Variants in MED26 observed in about 807,000 individuals in gnomAD.
The protein encoded by MED26 is mediator complex subunit 26, also known as mediator of RNA polymerase II transcription subunit 26.
A neutral mutation model predicts 43.7 loss-of-function variants in MED26; 7 were observed. The ratio of observed to expected loss-of-function variants is 0.16; its 90% CI spans 0.09 to 0.30. MED26 has a LOEUF of 0.30. Ranked by LOEUF, MED26 falls within the 10% of genes least tolerant of loss-of-function variation. MED26 has a pLI of 1.00. For synonymous variants in MED26, 375 were observed against 371.1 expected (o/e 1.01, Z -0.12); for missense variants, 784 against 840.6 (o/e 0.93, Z 0.83).
intron 1 of MED26, among the ~76,000 whole-genome samples, chr19:16,623,188 G>A (rs1230938133): frequency 6.6e-6 from 1 of 152,042 alleles, no homozygotes; most frequent in African/African-American, 2.4e-5. Flanking sequence ...CAAAGACAAG[G>A]ACATACACCT....
At chr19:16,625,984 T>C (rs1568293121) in intron 1 of MED26, among the ~76,000 whole-genome samples, 1 of 152,192 alleles carries the variant, frequency 6.6e-6, no homozygotes, top group Non-Finnish European at 1.5e-5. Context: ...CCATGCCAGC[T>C]AACATAACCA....
At chr19:16,622,681 G>T (rs2086257237) in intron 1 of MED26, among the ~76,000 whole-genome samples, 1 of 152,158 alleles carries the variant, frequency 6.6e-6, no homozygotes, top group Non-Finnish European at 1.5e-5. Flanking sequence ...CACCCATTCT[G>T]ACAACCAGCT....
chr19:16,626,600 C>T (rs1423332446), intron 1 of MED26, among the ~76,000 whole-genome samples: 1 of 152,110 alleles, frequency 6.6e-6, no homozygotes, highest in Non-Finnish European at 1.5e-5. Flanking sequence ...ATTGTATAAG[C>T]CAATGTGAAT....
At chr19:16,611,760 T>C (rs2086200467) in intron 1 of MED26, 1 of 152,168 alleles carries the variant, frequency 6.6e-6, no homozygotes, top group African/African-American at 2.4e-5. Context: ...TATAGGCTAT[T>C]TGACTCTGTG....
At chr19:16,624,052 C>T (rs1018597728) in intron 1 of MED26, among the ~76,000 whole-genome samples, 7 of 151,890 alleles carry the variant, frequency 4.6e-5, no homozygotes, top group African/African-American at 9.7e-5. Context: ...AAAGCATACA[C>T]CTTGGTTTAG....
At chr19:16,596,170 C>T (rs2086119267) in intron 1 of MED26, among the ~76,000 whole-genome samples, 1 of 152,156 alleles carries the variant, frequency 6.6e-6, no homozygotes, top group Admixed American at 6.5e-5. Context: ...GCCACTGTGC[C>T]CAGCCATGCT....
chr19:16,614,731 C>A (rs2086215498), intron 1 of MED26, among the ~76,000 whole-genome samples: 1 of 152,128 alleles, frequency 6.6e-6, no homozygotes, highest in Non-Finnish European at 1.5e-5. Flanking sequence ...GCAGACCATG[C>A]CAGTATGGCT....
At chr19:16,601,517 G>T (rs1032441177) in intron 1 of MED26, among the ~76,000 whole-genome samples, 1 of 152,218 alleles carries the variant, frequency 6.6e-6, no homozygotes, top group Non-Finnish European at 1.5e-5. Context: ...GATAAAGCAC[G>T]CCTGTGGCCT....
At chr19:16,584,252 C>G (rs1236969122) in intron 1 of MED26, among the ~76,000 whole-genome samples, 1 of 124,724 alleles carries the variant, frequency 8.0e-6, no homozygotes, top group Non-Finnish European at 1.7e-5. Flanking sequence ...GACTCCGTCT[C>G]AAAAAAAAGA....
intron 1 of MED26, among the ~76,000 whole-genome samples, chr19:16,624,074 T>A (rs963464): frequency 6.6e-6 from 1 of 151,688 alleles, no homozygotes; most frequent in Non-Finnish European, 1.5e-5. Context: ...ATTTTGTTAG[T>A]TGAGAAACTT....
chr19:16,594,623 C>G (rs1407175830), intron 1 of MED26, among the ~76,000 whole-genome samples: 1 of 152,140 alleles, frequency 6.6e-6, no homozygotes, highest in African/African-American at 2.4e-5. Context: ...GGAGAAGGTT[C>G]ATTTTTCACC....
intron 1 of MED26, among the ~76,000 whole-genome samples, chr19:16,612,973 TA>T (rs2086206256): frequency 6.6e-6 from 1 of 152,220 alleles, no homozygotes; most frequent in Admixed American, 6.5e-5. Context: ...CAAACTCATC[TA>T]GGGGTGTAAT....
chr19:16,618,436 G>C (rs1179437443), intron 1 of MED26, among the ~76,000 whole-genome samples: 2 of 152,188 alleles, frequency 1.3e-5, no homozygotes, highest in African/African-American at 4.8e-5. Flanking sequence ...CCTGCACTCG[G>C]ACAGCGTGAC....
At chr19:16,581,421 C>G (rs954282004) in intron 1 of MED26, among the ~76,000 whole-genome samples, 1 of 152,188 alleles carries the variant, frequency 6.6e-6, no homozygotes, top group Non-Finnish European at 1.5e-5. Flanking sequence ...ACTCCAGCAC[C>G]GACTCAGTCC....
At chr19:16,615,297 A>G (rs1004096591) in intron 1 of MED26, among the ~76,000 whole-genome samples, 26 of 152,150 alleles carry the variant, frequency 1.7e-4, no homozygotes, top group Non-Finnish European at 2.5e-4. Flanking sequence ...GCATGGCTGG[A>G]GCAGGAGAGG....
chr19:16,582,601 G>C (rs2086051365), intron 1 of MED26, among the ~76,000 whole-genome samples: 1 of 152,210 alleles, frequency 6.6e-6, no homozygotes, highest in Non-Finnish European at 1.5e-5. Context: ...GTGAGTGACA[G>C]AGACACCAGG....
At chr19:16,627,572 G>C (rs2086286101) in intron 1 of MED26, among the ~76,000 whole-genome samples, 1 of 152,242 alleles carries the variant, frequency 6.6e-6, no homozygotes. Flanking sequence ...GCTTCGTCCA[G>C]AGCAGTGAGG....
intron 1 of MED26, among the ~76,000 whole-genome samples, chr19:16,618,670 C>T (rs1326815941): frequency 6.6e-6 from 1 of 152,218 alleles, no homozygotes; most frequent in African/African-American, 2.4e-5. Context: ...GACATCAGTG[C>T]ACATCCATGG....
At chr19:16,578,464 G>A (rs1466166492) in intron 1 of MED26, 55 bp from the exon 2 acceptor site, 11 of 1,544,104 alleles carry the variant, frequency 7.1e-6, no homozygotes, top group South Asian at 3.4e-5. Flanking sequence ...CTGGGAGGCT[G>A]GAACACCCTG....
Sources: allele counts gnomAD v4.1 joint callset (sites outside exome capture counted in the v4.1 genomes callset), GRCh38; gene constraint gnomAD v4.1.1; transcripts MANE v1.5; gene names NCBI Gene and HGNC (gene_info 2026-07-23, HGNC 2026-07-21).